Variants in METAP2 observed in about 807,000 individuals in gnomAD.
METAP2 encodes methionine aminopeptidase 2.
Under a neutral mutation model 59.4 loss-of-function variants are expected in METAP2, and 25 were observed. That is an observed-to-expected ratio of 0.42 (90% CI 0.31 to 0.59). The LOEUF (loss-of-function observed/expected upper bound fraction) is 0.59. Among genes scored for constraint, METAP2 ranks in the 20% least tolerant of loss-of-function variants. The pLI is 0.16. For synonymous variants in METAP2, 214 were observed against 194.1 expected (o/e 1.10, Z -0.85); for missense variants, 366 against 581.2 (o/e 0.63, Z 3.81).
chr12:95,478,129 C>A (rs959760506), intron 2 of METAP2, among the ~76,000 whole-genome samples: 3 of 151,556 alleles, frequency 2.0e-5, no homozygotes, highest in African/African-American at 4.8e-5. Flanking sequence ...CCCCACCCCC[C>A]AAAAAAAATC....
chr12:95,512,202 G>T (rs369665994), intron 9 of METAP2, among the ~76,000 whole-genome samples: 1 of 152,124 alleles, frequency 6.6e-6, no homozygotes, highest in Non-Finnish European at 1.5e-5. Context: ...GCTGTGAAAG[G>T]GTTGTTTATT....
intron 8 of METAP2, among the ~76,000 whole-genome samples, chr12:95,510,392 C>A (rs2076393721): frequency 6.6e-6 from 1 of 152,192 alleles, no homozygotes; most frequent in Non-Finnish European, 1.5e-5. Flanking sequence ...GAGGGACTGG[C>A]ATCTGGTGAA....
At position 95,497,902 on chromosome 12, in the gene METAP2, T is replaced by C. The variant is rs532787107; in HGVS notation, c.867+1804T>C. ...CAGCACTTTGAGAGGCCAAGGCGGG[T>C]GGATCACGAAGTCAGGAGATGGAGA... On this transcript the variant is annotated intron_variant, in intron 7 of 10. Transcript: ENST00000323666. Among the ~76,000 whole-genome samples the C allele has an allele frequency of 1.5e-4, 22 of 149,494 alleles. 1 individual carries two copies. The South Asian group carries it at 3.1e-3, about 21-fold the overall frequency.
Position 95,496,034 on chromosome 12 carries a change from CT to C in METAP2, c.807del (p.Phe269LeufsTer9). On this transcript the variant is annotated frameshift_variant, in exon 7 of 11. Transcript: ENST00000323666. LOFTEE classifies it high-confidence loss of function. ...ATTATTGACTGTGCTTTTACTGTCA[CT>C]TTTAATCCCAAATATGATACGTTAT... ...GRIIDCAFTV[T>X]FNPKYDTLLK... 6.3e-7 allele frequency: 1 copy of C among 1,599,490 alleles called. No individual in the cohort carries two copies.
At chr12:95,513,395 C>T (rs2076419338) in intron 10 of METAP2, among the ~76,000 whole-genome samples, 1 of 152,038 alleles carries the variant, frequency 6.6e-6, no homozygotes, top group Non-Finnish European at 1.5e-5. Flanking sequence ...GGGAATATAA[C>T]ACACACACAC....
chr12:95,500,084 C>T (rs2076304164), intron 7 of METAP2, among the ~76,000 whole-genome samples: 1 of 151,792 alleles, frequency 6.6e-6, no homozygotes, highest in African/African-American at 2.4e-5. Flanking sequence ...TTTATTTCAG[C>T]AATGTTTTAT....
intron 8 of METAP2, among the ~76,000 whole-genome samples, chr12:95,509,607 G>A (rs920096422): frequency 3.3e-5 from 5 of 152,130 alleles, no homozygotes; most frequent in Admixed American, 1.3e-4. Context: ...AGGTGTATAA[G>A]CATGAGAACC....
At chr12:95,474,482 T>C (rs751265689) in intron 1 of METAP2, 152 bp downstream of exon 1, 1 of 782,278 alleles carries the variant, frequency 1.3e-6, no homozygotes, top group Non-Finnish European at 2.0e-6. Flanking sequence ...TATAGATTCC[T>C]AGTCTGAGAA....
chr12:95,500,189 G>T (rs2076305137), intron 7 of METAP2, among the ~76,000 whole-genome samples: 2 of 150,228 alleles, frequency 1.3e-5, no homozygotes, highest in Non-Finnish European at 3.0e-5. Flanking sequence ...AATTGTTTTT[G>T]TAATTTCCTT....
intron 2 of METAP2, among the ~76,000 whole-genome samples, chr12:95,479,230 T>A (rs1383702232): frequency 6.6e-6 from 1 of 152,218 alleles, no homozygotes; most frequent in Non-Finnish European, 1.5e-5. Flanking sequence ...AGATGTAAAC[T>A]GATAGTCATA....
intron 7 of METAP2, among the ~76,000 whole-genome samples, chr12:95,496,388 T>A (rs1337049888): frequency 2.6e-5 from 4 of 152,290 alleles, no homozygotes; most frequent in Non-Finnish European, 5.9e-5. Flanking sequence ...TTTTTGTGGT[T>A]CTTTTTTAGA....
intron 1 of METAP2, among the ~76,000 whole-genome samples, chr12:95,475,412 G>T (rs964656388): frequency 3.3e-5 from 5 of 152,142 alleles, no homozygotes; most frequent in Non-Finnish European, 7.4e-5. Flanking sequence ...TGTCTTGTAA[G>T]GTGTTAAGCT....
rs947925020 is a variant in METAP2, at chr12:95,482,161, G to A, written c.260-1054G>A. ...TCTCCCTCCCGTCACCCAGGCTGACGTGCTGTGGCTCGATCTCAGCTCACT... is the reference window on the plus strand; with the variant it reads ...TCTCCCTCCCGTCACCCAGGCTGACATGCTGTGGCTCGATCTCAGCTCACT... On this transcript the variant is annotated intron_variant, in intron 2 of 10. Transcript: ENST00000323666. The A allele has an allele frequency of 5.7e-5, 26 of 452,422 alleles. 1 individual carries two copies. The highest frequency in any genetic ancestry group is 2.0e-4 in the African/African-American group (10 of 49,958). 28.0% of individuals were successfully genotyped at this position (452,422 alleles called of 1,614,324 possible).
At position 95,506,985 on chromosome 12, in the gene METAP2, A is replaced by C. The variant is rs544735378; in HGVS notation, c.964+2824A>C. Among the ~76,000 whole-genome samples, 191 of 151,526 alleles carry C rather than the reference A, an allele frequency of 1.3e-3. 1 individual carries two copies. The highest frequency in any genetic ancestry group is 0.01 in the Middle Eastern group (3 of 294). ...TTTTTTTTAGTGGAGATGGGGCTTC[A>C]TCATGTTGGCCAGATCAGGCGATCT... On this transcript the variant is annotated intron_variant, in intron 8 of 10. Transcript: ENST00000323666.
chr12:95,489,901 C>CAT (rs2076224591), intron 4 of METAP2, among the ~76,000 whole-genome samples: 1 of 152,184 alleles, frequency 6.6e-6, no homozygotes, highest in South Asian at 2.1e-4. Context: ...AAGCTACAAG[C>CAT]ATAGTACAAA....
chr12:95,510,726 A>G (rs993737418), intron 8 of METAP2, among the ~76,000 whole-genome samples: 2 of 152,226 alleles, frequency 1.3e-5, no homozygotes, highest in African/African-American at 4.8e-5. Context: ...TCAGTTTGCC[A>G]GGTCTTAGAG....
At chr12:95,503,671 C>T (rs66765539) in intron 7 of METAP2, among the ~76,000 whole-genome samples, 13,216 of 152,110 alleles carry the variant, frequency 0.087, 810 homozygotes, top group African/African-American at 0.17. Context: ...AAGCTGTGTG[C>T]GTGTTGCTCC....
At chr12:95,509,439 A>C (rs1033410534) in intron 8 of METAP2, among the ~76,000 whole-genome samples, 1 of 152,232 alleles carries the variant, frequency 6.6e-6, no homozygotes, top group African/African-American at 2.4e-5. Flanking sequence ...TTGTTTTGAA[A>C]TAATTATCCT....
intron 4 of METAP2, among the ~76,000 whole-genome samples, chr12:95,492,050 C>T (rs1034119957): frequency 6.6e-6 from 1 of 152,038 alleles, no homozygotes; most frequent in African/African-American, 2.4e-5. Flanking sequence ...TCAAACAGTC[C>T]TCCTGCCTCA....
Sources: allele counts gnomAD v4.1 joint callset (sites outside exome capture counted in the v4.1 genomes callset), GRCh38; gene constraint gnomAD v4.1.1; transcripts MANE v1.5; gene names NCBI Gene and HGNC (gene_info 2026-07-23, HGNC 2026-07-21).